BCAR3: variants seen among roughly 807,000 people sequenced by gnomAD.
BCAR3 encodes the protein breast cancer anti-estrogen resistance protein 3.
Under a neutral mutation model 80.1 loss-of-function variants are expected in BCAR3, and 37 were observed. That is an observed-to-expected ratio of 0.46 (90% CI 0.36 to 0.61). BCAR3 has a LOEUF of 0.61. Ranked by LOEUF, BCAR3 falls within the 20% of genes least tolerant of loss-of-function variation. BCAR3 has a pLI of 0.00. For synonymous variants in BCAR3, 389 were observed against 418.9 expected, an observed-to-expected ratio of 0.93 and a Z score of 0.87; for missense variants, 978 against 1,068.2, an observed-to-expected ratio of 0.92 and a Z score of 1.18.
At chr1:93,571,076 C>T (rs769645453) in intron 9 of BCAR3, among the ~76,000 whole-genome samples, 10 of 151,916 alleles carry the variant, frequency 6.6e-5, no homozygotes, top group Non-Finnish European at 1.2e-4. Context: ...TGGTGGCCCA[C>T]GCCTGTTATC....
chr1:93,754,093 T>C (rs957195217), intron 2 of BCAR3: 1 of 152,230 alleles, frequency 6.6e-6, no homozygotes, highest in African/African-American at 2.4e-5. Flanking sequence ...TAAAACTGAA[T>C]GGCCATCTAA....
chr1:93,623,485 G>T (rs1004095909), intron 3 of BCAR3, among the ~76,000 whole-genome samples: 5 of 152,074 alleles, frequency 3.3e-5, no homozygotes, highest in Admixed American at 1.3e-4. Context: ...TCAAACTAGG[G>T]CTGAGAGAGA....
chr1:93,750,224 C>T (rs960587392), intron 2 of BCAR3, among the ~76,000 whole-genome samples: 2 of 152,186 alleles, frequency 1.3e-5, no homozygotes, highest in Non-Finnish European at 2.9e-5. Context: ...GGACTGCCTC[C>T]TTCAGCAAGG....
chr1:93,778,575 A>T (rs577248895), intron 2 of BCAR3, among the ~76,000 whole-genome samples: 1 of 151,502 alleles, frequency 6.6e-6, no homozygotes, highest in African/African-American at 2.4e-5. Flanking sequence ...AAAGGGAGTT[A>T]TTTTTGCCTT....
In BCAR3 at chr1:93,591,694, C is replaced by T. The variant is rs186457367; in HGVS notation, c.486+571G>A. Among the ~76,000 whole-genome samples the T allele has an allele frequency of 2.4e-4, 36 of 152,294 alleles. No homozygotes were observed. The East Asian group carries it at 6.8e-3, about 29-fold the overall frequency. On this transcript the variant is annotated intron_variant, in intron 4 of 11. Transcript: ENST00000260502. ...TTATGGCAATCACCCAAATGACGAT[C>T]ACAAAGTATATTCTGGGCCATGAGT...
chr1:93,636,490 C>T (rs908546839), intron 3 of BCAR3, among the ~76,000 whole-genome samples: 9 of 151,718 alleles, frequency 5.9e-5, no homozygotes, highest in South Asian at 2.1e-4. Context: ...TGTCCACAGG[C>T]GGGCAAGCGT....
chr1:93,737,129 T>G (rs1651000244), intron 2 of BCAR3, among the ~76,000 whole-genome samples: 1 of 152,176 alleles, frequency 6.6e-6, no homozygotes, highest in Admixed American at 6.5e-5. Context: ...AGATTTGCTT[T>G]TCAGAAAGCA....
intron 2 of BCAR3, among the ~76,000 whole-genome samples, chr1:93,660,884 T>G (rs1647616887): frequency 6.6e-6 from 1 of 151,958 alleles, no homozygotes; most frequent in Admixed American, 6.6e-5. Context: ...CTGGATAATT[T>G]CTTTTTTTTT....
chr1:93,824,138 C>A (rs11801536), intron 2 of BCAR3, among the ~76,000 whole-genome samples: 2,147 of 134,034 alleles, frequency 0.016, 266 homozygotes, highest in African/African-American at 0.051. Flanking sequence ...GTTGAATGAA[C>A]AAGAACCCTC....
intron 2 of BCAR3, among the ~76,000 whole-genome samples, chr1:93,659,499 C>T (rs568106801): frequency 9.0e-4 from 137 of 151,940 alleles, no homozygotes; most frequent in African/African-American, 3.1e-3. Flanking sequence ...GGCCAGCAAC[C>T]GGCTTTAAGT....
intron 7 of BCAR3, among the ~76,000 whole-genome samples, chr1:93,578,101 CT>C (rs1349315323): frequency 2.0e-5 from 3 of 152,222 alleles, no homozygotes; most frequent in Non-Finnish European, 4.4e-5. Context: ...CCCGATGAGG[CT>C]TCCTTCTGCC....
At chr1:93,587,224 C>T (rs112945960) in intron 5 of BCAR3, among the ~76,000 whole-genome samples, 4,506 of 152,196 alleles carry the variant, frequency 0.03, 240 homozygotes, top group African/African-American at 0.1. Flanking sequence ...CAGGGTTGTG[C>T]CATGTTGCCC....
intron 2 of BCAR3, among the ~76,000 whole-genome samples, chr1:93,716,247 T>C (rs1253026733): frequency 6.6e-6 from 1 of 152,232 alleles, no homozygotes; most frequent in African/African-American, 2.4e-5. Flanking sequence ...TGTGTATGTA[T>C]TACTTATTCA....
intron 11 of BCAR3, among the ~76,000 whole-genome samples, chr1:93,564,780 AT>A (rs1672873748): frequency 6.6e-6 from 1 of 152,192 alleles, no homozygotes; most frequent in Non-Finnish European, 1.5e-5. Context: ...TATCCAGTGA[AT>A]TATTTTGGCA....
chr1:93,709,472 C>G (rs1292952913), intron 2 of BCAR3, among the ~76,000 whole-genome samples: 1 of 152,206 alleles, frequency 6.6e-6, no homozygotes, highest in African/African-American at 2.4e-5. Flanking sequence ...GGTCCCTTGC[C>G]CTTCAGTGAA....
intron 4 of BCAR3, chr1:93,590,454 C>T (rs1318648584): frequency 1.3e-5 from 2 of 152,116 alleles, no homozygotes; most frequent in Admixed American, 6.5e-5. Context: ...AGCAATAACT[C>T]GTTATTACGG....
chr1:93,677,147 G>C (rs1648524059), intron 1 of BCAR3, among the ~76,000 whole-genome samples: 1 of 152,190 alleles, frequency 6.6e-6, no homozygotes, highest in Non-Finnish European at 1.5e-5. Flanking sequence ...AATTCATAGA[G>C]GCCCTTATGC....
At chr1:93,820,267 C>T (rs1222900392) in intron 2 of BCAR3, among the ~76,000 whole-genome samples, 1 of 152,212 alleles carries the variant, frequency 6.6e-6, no homozygotes, top group African/African-American at 2.4e-5. Context: ...CTTTAGTTCT[C>T]TGCAGACACC....
At chr1:93,734,023 G>A (rs1397035794) in intron 2 of BCAR3, among the ~76,000 whole-genome samples, 1 of 152,170 alleles carries the variant, frequency 6.6e-6, no homozygotes, top group Admixed American at 6.5e-5. Context: ...GAAAGTTCCA[G>A]GCTGCTGAGC....
Sources: gnomAD v4.1 joint callset for allele counts (sites outside exome capture counted in the v4.1 genomes callset) on GRCh38, gnomAD v4.1.1 for gene constraint, MANE v1.5 for transcripts, NCBI Gene and HGNC (gene_info 2026-07-23, HGNC 2026-07-21) for gene names.